GRID1: variants seen among roughly 807,000 people sequenced by gnomAD.
The protein encoded by GRID1 is glutamate receptor ionotropic, delta-1.
Under a neutral mutation model 98.0 loss-of-function variants are expected in GRID1, and 28 were observed. That is an observed-to-expected ratio of 0.29 (90% confidence interval 0.21 to 0.39). The LOEUF is 0.39. Ranked by LOEUF, GRID1 falls within the 10% of genes least tolerant of loss-of-function variation. The pLI is 1.00. For missense variants in GRID1, 1,111 were observed against 1,340.5 expected (o/e 0.83, Z 2.67); for synonymous variants, 553 against 538.5 (o/e 1.03, Z -0.37).
intron 3 of GRID1, among the ~76,000 whole-genome samples, chr10:86,174,109 G>T (rs1845536672): frequency 6.6e-6 from 1 of 152,208 alleles, no homozygotes; most frequent in African/African-American, 2.4e-5. Context: ...GGATGGCTGG[G>T]TCAAATGGTA....
chr10:86,016,884 C>G (rs1264989608), intron 4 of GRID1, among the ~76,000 whole-genome samples: 1 of 152,226 alleles, frequency 6.6e-6, no homozygotes, highest in Non-Finnish European at 1.5e-5. Context: ...ATCTCTCACA[C>G]TCAGCATCCA....
chr10:85,957,674 C>A (rs1167867922), intron 4 of GRID1, among the ~76,000 whole-genome samples: 1 of 152,128 alleles, frequency 6.6e-6, no homozygotes, highest in Non-Finnish European at 1.5e-5. Context: ...TCTAGAACAC[C>A]CTGAATCCCA....
intron 5 of GRID1, among the ~76,000 whole-genome samples, chr10:85,892,165 A>C (rs188328298): frequency 2.0e-3 from 297 of 151,646 alleles, no homozygotes; most frequent in African/African-American, 6.6e-3. Flanking sequence ...ATGAACTTGA[A>C]AGTATGGCAA....
intron 2 of GRID1, among the ~76,000 whole-genome samples, chr10:86,276,780 G>A (rs376737465): frequency 2.2e-4 from 33 of 151,902 alleles, no homozygotes; most frequent in Admixed American, 5.9e-4. Context: ...GTGAGCCACC[G>A]CACCCAGCCA....
intron 2 of GRID1, among the ~76,000 whole-genome samples, chr10:86,254,009 C>T (rs908063944): frequency 1.3e-5 from 2 of 152,038 alleles, no homozygotes; most frequent in African/African-American, 4.8e-5. Context: ...AACACTAACA[C>T]CTTGATTTGT....
intron 2 of GRID1, among the ~76,000 whole-genome samples, chr10:86,214,372 T>C (rs1384734559): frequency 3.3e-5 from 5 of 152,224 alleles, no homozygotes; most frequent in Non-Finnish European, 7.3e-5. Context: ...TTCTCCTGTG[T>C]GCTGGGTAGG....
chr10:86,336,539 C>A (rs552228675), intron 2 of GRID1, among the ~76,000 whole-genome samples: 4 of 152,210 alleles, frequency 2.6e-5, no homozygotes, highest in Non-Finnish European at 5.9e-5. Flanking sequence ...TGACAATTAA[C>A]GCTGTTTCCC....
intron 12 of GRID1, among the ~76,000 whole-genome samples, chr10:85,676,332 G>C (rs1405822311): frequency 2.0e-5 from 3 of 152,144 alleles, no homozygotes; most frequent in Non-Finnish European, 4.4e-5. Context: ...AATGTCAAAG[G>C]CAGCCTCTTT....
chr10:86,333,286 A>G (rs1425528725), intron 2 of GRID1, among the ~76,000 whole-genome samples: 1 of 152,242 alleles, frequency 6.6e-6, no homozygotes, highest in South Asian at 2.1e-4. Flanking sequence ...AGTGTCTTTC[A>G]GGAAGCCTTC....
intron 4 of GRID1, among the ~76,000 whole-genome samples, chr10:86,053,567 G>T (rs12764519): frequency 6.6e-6 from 1 of 151,576 alleles, no homozygotes; most frequent in Non-Finnish European, 1.5e-5. Context: ...TCGCCGTGTT[G>T]GCCAGGCTGG....
intron 2 of GRID1, among the ~76,000 whole-genome samples, chr10:86,231,641 G>T (rs958261781): frequency 5.9e-5 from 9 of 152,172 alleles, no homozygotes; most frequent in Non-Finnish European, 1.0e-4. Flanking sequence ...TGATAAATGG[G>T]AAGAATAACC....
At chr10:86,034,192 G>C (rs1160144852) in intron 4 of GRID1, among the ~76,000 whole-genome samples, 1 of 152,174 alleles carries the variant, frequency 6.6e-6, no homozygotes, top group African/African-American at 2.4e-5. Context: ...ATGTCCTTGT[G>C]AGTTGCCCAG....
At chr10:86,015,807 C>A (rs2131883820) in intron 4 of GRID1, among the ~76,000 whole-genome samples, 1 of 152,296 alleles carries the variant, frequency 6.6e-6, no homozygotes. Flanking sequence ...GCAATCTGAA[C>A]CTGACAGTAC....
chr10:86,038,094 A>C (rs1843294115), intron 4 of GRID1, among the ~76,000 whole-genome samples: 1 of 152,206 alleles, frequency 6.6e-6, no homozygotes, highest in Non-Finnish European at 1.5e-5. Context: ...GTACAATCTA[A>C]GGAGAGAGGC....
Position 86,251,217 on chromosome 10 carries a change from G to A in GRID1, c.236-44569C>T, listed in dbSNP as rs191967558. ...GACACAATCACTGCGGAAGGAAGGC[G>A]GCAGGGCCCTCTGCCTAGGAAAACC... On this transcript the variant is annotated intron_variant, in intron 2 of 15. Coordinates refer to ENST00000327946, the MANE Select transcript of GRID1 (RefSeq NM_017551.3). Among the ~76,000 whole-genome samples, 210 of 152,100 alleles carry A rather than the reference G, an allele frequency of 1.4e-3. 1 individual carries two copies. The highest frequency in any genetic ancestry group is 1.7e-3 in the Non-Finnish European group (118 of 67,988).
chr10:85,837,846 A>G (rs2131767921), intron 8 of GRID1, among the ~76,000 whole-genome samples: 1 of 152,348 alleles, frequency 6.6e-6, no homozygotes. Context: ...AATTCAGAAT[A>G]TGGATAAGAA....
At chr10:86,095,301 A>T (rs192642098) in intron 4 of GRID1, among the ~76,000 whole-genome samples, 366 of 152,340 alleles carry the variant, frequency 2.4e-3, no homozygotes, top group Admixed American at 5.6e-3. Flanking sequence ...TTAGGCAAGG[A>T]TTTCGTGACC....
chr10:86,035,189 CT>C (rs1843243247), intron 4 of GRID1, among the ~76,000 whole-genome samples: 1 of 152,176 alleles, frequency 6.6e-6, no homozygotes, highest in African/African-American at 2.4e-5. Flanking sequence ...CCTGTTATCC[CT>C]TCATCATAGC....
At chr10:86,086,692 G>A (rs555233725) in intron 4 of GRID1, among the ~76,000 whole-genome samples, 1 of 152,320 alleles carries the variant, frequency 6.6e-6, no homozygotes, top group Admixed American at 6.5e-5. Context: ...GTGTGCATGG[G>A]CATGTGCAGG....
Sources: allele counts gnomAD v4.1 joint callset (sites outside exome capture counted in the v4.1 genomes callset), GRCh38; gene constraint gnomAD v4.1.1; transcripts MANE v1.5; gene names NCBI Gene and HGNC (gene_info 2026-07-23, HGNC 2026-07-21).